Variants in DIAPH2 observed in about 807,000 individuals in gnomAD.
DIAPH2 encodes diaphanous related formin 2.
In DIAPH2, 35 loss-of-function variants were observed where a neutral mutation model predicts 92.7. That is an observed-to-expected ratio of 0.38 (90% CI 0.29 to 0.50). DIAPH2 has a LOEUF of 0.50. Ranked by LOEUF, DIAPH2 falls within the 20% of genes least tolerant of loss-of-function variation. The probability of loss-of-function intolerance (pLI) is 0.94; values close to 1 mark genes in which losing one functional copy is unlikely to be tolerated. For synonymous variants in DIAPH2, 301 were observed against 280.4 expected (o/e 1.07, Z -0.73); for missense variants, 701 against 819.5 (o/e 0.86, Z 1.77).
In DIAPH2 at chrX:97,388,963, C is replaced by A. The variant is rs182710386; in HGVS notation, c.3145+4919C>A. 3.3e-3 allele frequency among the ~76,000 whole-genome samples: 366 copies of A among 111,786 alleles called. 2 individuals carry two copies. Among genetic ancestry groups the A allele is most frequent in the African/African-American group, 0.011 (350 of 30,770 alleles). On this transcript the variant is annotated intron_variant, in intron 25 of 26. Transcript: ENST00000324765. Reference sequence around the variant, plus strand: ...TCTCATACCTACTTTTCTATTCAATCTGATTCAATATCATTCTTCATGTAA... The same window carrying A: ...TCTCATACCTACTTTTCTATTCAATATGATTCAATATCATTCTTCATGTAA...
chrX:97,596,557 C>T (rs138764620), intron 26 of DIAPH2, among the ~76,000 whole-genome samples: 2,244 of 111,811 alleles, frequency 0.02, 17 homozygotes, highest in Non-Finnish European at 0.031. Context: ...GGCTGGGTCT[C>T]ATGGAGCTCT....
chrX:96,984,744 G>A (rs990878616), intron 17 of DIAPH2, among the ~76,000 whole-genome samples: 9 of 111,354 alleles, frequency 8.1e-5, no homozygotes, highest in African/African-American at 2.9e-4. Flanking sequence ...TAGCCGCTGG[G>A]CAATGGCCAA....
intron 22 of DIAPH2, among the ~76,000 whole-genome samples, chrX:97,223,377 G>A (rs1298379193): frequency 9.0e-6 from 1 of 110,787 alleles, no homozygotes; most frequent in East Asian, 2.8e-4. Context: ...TTTTCAAATA[G>A]GAATGATTCA....
intron 26 of DIAPH2, among the ~76,000 whole-genome samples, chrX:97,519,795 G>A (rs1046185622): frequency 9.1e-6 from 1 of 110,346 alleles, no homozygotes; most frequent in Admixed American, 9.7e-5. Flanking sequence ...GCAGTGGCGC[G>A]ATCTCGGCTC....
chrX:97,375,667 A>T (rs1306742502), intron 24 of DIAPH2, among the ~76,000 whole-genome samples: 1 of 111,949 alleles, frequency 8.9e-6, no homozygotes, highest in East Asian at 2.8e-4. Context: ...GGACAGGGAA[A>T]GGAAACTGCT....
At chrX:97,459,729 T>G (rs1380887316) in intron 26 of DIAPH2, among the ~76,000 whole-genome samples, 3 of 111,815 alleles carry the variant, frequency 2.7e-5, no homozygotes, top group Non-Finnish European at 5.6e-5. Context: ...CTCTGAGAAG[T>G]AACTTGCTCA....
At chrX:97,069,490 GA>G (rs766980464) in intron 17 of DIAPH2, among the ~76,000 whole-genome samples, 1 of 111,115 alleles carries the variant, frequency 9.0e-6, no homozygotes, top group South Asian at 3.8e-4. Context: ...CATTTATAAA[GA>G]AAATTATAAA....
intron 16 of DIAPH2, among the ~76,000 whole-genome samples, chrX:96,959,732 G>C (rs988503217): frequency 9.0e-6 from 1 of 111,484 alleles, no homozygotes; most frequent in Non-Finnish European, 1.9e-5. Context: ...TTTTCTTCTA[G>C]TAGTTTTATA....
At chrX:97,258,435 G>A (rs767810058) in intron 23 of DIAPH2, among the ~76,000 whole-genome samples, 4 of 110,441 alleles carry the variant, frequency 3.6e-5, no homozygotes, top group South Asian at 3.9e-4. Flanking sequence ...TTAGCCAGGC[G>A]CGTGGCACGC....
intron 22 of DIAPH2, among the ~76,000 whole-genome samples, chrX:97,179,607 T>C (rs991491610): frequency 8.9e-6 from 1 of 111,844 alleles, no homozygotes; most frequent in Non-Finnish European, 1.9e-5. Context: ...ATCCATTCTC[T>C]CATCGATGGG....
intron 23 of DIAPH2, among the ~76,000 whole-genome samples, chrX:97,323,614 A>G (rs2068922879): frequency 1.1e-5 from 1 of 89,680 alleles, no homozygotes; most frequent in Non-Finnish European, 2.2e-5. Context: ...AAAAAAAAAA[A>G]GCTCAGGGAC....
chrX:96,815,211 G>C (rs908814870), intron 4 of DIAPH2, among the ~76,000 whole-genome samples: 3 of 111,727 alleles, frequency 2.7e-5, no homozygotes, highest in African/African-American at 9.8e-5. Context: ...TTCCCCAGCC[G>C]CTCTGTTTAC....
At chrX:97,350,094 G>T (rs1412138842) in intron 24 of DIAPH2, among the ~76,000 whole-genome samples, 1 of 110,122 alleles carries the variant, frequency 9.1e-6, no homozygotes, top group Non-Finnish European at 1.9e-5. Context: ...TGGATCACCT[G>T]AGGTCAGGAG....
At chrX:96,997,996 A>C (rs907659830) in intron 17 of DIAPH2, among the ~76,000 whole-genome samples, 87 of 112,245 alleles carry the variant, frequency 7.8e-4, no homozygotes, top group African/African-American at 2.7e-3. Context: ...CTTTTGTTAC[A>C]AATGCCATTG....
At chrX:96,765,809 A>T (rs2064300228) in intron 4 of DIAPH2, among the ~76,000 whole-genome samples, 1 of 111,204 alleles carries the variant, frequency 9.0e-6, no homozygotes, top group African/African-American at 3.3e-5. Flanking sequence ...TCTTACTGGT[A>T]CCTGTCTTCT....
chrX:97,098,277 G>A (rs2066882382), intron 19 of DIAPH2, among the ~76,000 whole-genome samples: 1 of 111,259 alleles, frequency 9.0e-6, no homozygotes, highest in South Asian at 3.8e-4. Flanking sequence ...TTATGTTGTT[G>A]TACAACCATT....
intron 17 of DIAPH2, among the ~76,000 whole-genome samples, chrX:96,974,802 G>A (rs1476281069): frequency 1.8e-5 from 2 of 111,122 alleles, no homozygotes; most frequent in African/African-American, 6.5e-5. Flanking sequence ...AGACAATAAT[G>A]ATATTATATA....
intron 4 of DIAPH2, among the ~76,000 whole-genome samples, chrX:96,860,604 T>C (rs760228337): frequency 2.7e-5 from 3 of 111,447 alleles, no homozygotes; most frequent in Non-Finnish European, 5.7e-5. Flanking sequence ...CAATTTACCC[T>C]AAGGAAATTA....
chrX:97,291,661 T>C (rs975407814), intron 23 of DIAPH2, among the ~76,000 whole-genome samples: 5 of 108,418 alleles, frequency 4.6e-5, no homozygotes, highest in African/African-American at 1.7e-4. Context: ...GCCTCCCAAG[T>C]AGCTGAGATT....
Sources: allele counts gnomAD v4.1 joint callset (sites outside exome capture counted in the v4.1 genomes callset), GRCh38; gene constraint gnomAD v4.1.1; transcripts MANE v1.5; gene names NCBI Gene and HGNC (gene_info 2026-07-23, HGNC 2026-07-21).